HPSE2: variants seen among roughly 807,000 people sequenced by gnomAD.
The protein encoded by HPSE2 is heparanase 2 (inactive), also known as inactive heparanase-2.
In HPSE2, 38 loss-of-function variants were observed where a neutral mutation model predicts 60.5. The ratio of observed to expected loss-of-function variants is 0.63; its 90% CI spans 0.48 to 0.82. The LOEUF (loss-of-function observed/expected upper bound fraction) is 0.82, where lower values mean the gene tolerates loss of function less well. Ranked by LOEUF, HPSE2 falls within the 40% of genes least tolerant of loss-of-function variation. The pLI, the probability that HPSE2 is intolerant of heterozygous loss-of-function variation, is 0.00. For missense variants in HPSE2, 713 were observed against 740.4 expected (o/e 0.96, Z 0.43); for synonymous variants, 295 against 293.2 (o/e 1.01, Z -0.06).
At chr10:98,618,877 G>A (rs1333576682) in intron 8 of HPSE2, among the ~76,000 whole-genome samples, 1 of 152,132 alleles carries the variant, frequency 6.6e-6, no homozygotes, top group African/African-American at 2.4e-5. Flanking sequence ...GTGCCTGGCT[G>A]GGAGTGTACT....
intron 9 of HPSE2, among the ~76,000 whole-genome samples, chr10:98,589,166 C>T (rs1449630130): frequency 6.6e-6 from 1 of 151,948 alleles, no homozygotes; most frequent in Non-Finnish European, 1.5e-5. Flanking sequence ...TCTGGCACAG[C>T]ATGACACAGC....
chr10:99,030,069 G>T (rs964376250), intron 3 of HPSE2, among the ~76,000 whole-genome samples: 1 of 152,134 alleles, frequency 6.6e-6, no homozygotes, highest in African/African-American at 2.4e-5. Context: ...ACTTCTCACT[G>T]CATCCCCTCA....
At chr10:98,678,304 C>T (rs577663627) in intron 6 of HPSE2, among the ~76,000 whole-genome samples, 1 of 152,174 alleles carries the variant, frequency 6.6e-6, no homozygotes, top group Admixed American at 6.5e-5. Flanking sequence ...AAGTTTAATG[C>T]CAAAAAATGT....
At chr10:99,031,401 A>G (rs1313297703) in intron 3 of HPSE2, among the ~76,000 whole-genome samples, 1 of 152,138 alleles carries the variant, frequency 6.6e-6, no homozygotes, top group Non-Finnish European at 1.5e-5. Flanking sequence ...ATCCCCTGAA[A>G]CTAAAATTTT....
intron 3 of HPSE2, among the ~76,000 whole-genome samples, chr10:99,131,526 C>A (rs750545615): frequency 4.5e-4 from 68 of 151,746 alleles, no homozygotes; most frequent in Non-Finnish European, 7.1e-4. Flanking sequence ...TATACAGAAA[C>A]AAACACACAT....
chr10:98,742,401 C>T (rs934347940), intron 4 of HPSE2, among the ~76,000 whole-genome samples: 1 of 152,152 alleles, frequency 6.6e-6, no homozygotes, highest in Admixed American at 6.5e-5. Context: ...CACACACACA[C>T]ACTCACACAT....
At position 98,639,567 on chromosome 10, in the gene HPSE2, T is replaced by G. The variant is rs1471465011; in HGVS notation, c.1098+2280A>C. Among the ~76,000 whole-genome samples the G allele has an allele frequency of 5.9e-5, 9 of 152,344 alleles. No homozygotes were observed. In the East Asian group the frequency reaches 1.7e-3, roughly 29 times the overall value. ...CTTCCCCTTCTAAGTCCATTAGGTT[T>G]GTTTTTAAAGATCTGAATACCAATT... On this transcript the variant is annotated intron_variant, in intron 7 of 11. Coordinates refer to ENST00000370552, the MANE Select transcript of HPSE2 (RefSeq NM_021828.5).
chr10:99,301,719 A>G, the HPSE2 span, among the ~76,000 whole-genome samples: 1 of 152,222 alleles, frequency 6.6e-6, no homozygotes, highest in African/African-American at 2.4e-5. Context: ...CTTGTGAGCC[A>G]TGGCTGCCAC....
chr10:98,508,227 A>G (rs931859670), intron 9 of HPSE2, among the ~76,000 whole-genome samples: 2 of 152,254 alleles, frequency 1.3e-5, no homozygotes, highest in Non-Finnish European at 2.9e-5. Flanking sequence ...AGCAGATGAC[A>G]CTAAAAAGAC....
intron 5 of HPSE2, among the ~76,000 whole-genome samples, chr10:98,708,446 A>G (rs1450270293): frequency 2.3e-5 from 3 of 130,762 alleles, no homozygotes; most frequent in Admixed American, 1.6e-4. Context: ...ACAGAGTGAG[A>G]CTACGTCTCA....
At chr10:98,672,883 G>C (rs1414958) in intron 6 of HPSE2, among the ~76,000 whole-genome samples, 1 of 152,028 alleles carries the variant, frequency 6.6e-6, no homozygotes, top group East Asian at 1.9e-4. Context: ...ATGATAACTC[G>C]TATTGAGATC....
At chr10:99,080,453 GGGCATCTCT>G (rs2135571260) in intron 3 of HPSE2, among the ~76,000 whole-genome samples, 1 of 152,246 alleles carries the variant, frequency 6.6e-6, no homozygotes, top group South Asian at 2.1e-4. Context: ...ATCAGGGTGA[GGGCATCTCT>G]GGCATTGACA....
chr10:98,464,487 G>C (rs1940443113), intron 11 of HPSE2, among the ~76,000 whole-genome samples: 1 of 152,208 alleles, frequency 6.6e-6, no homozygotes. Context: ...CGTCTGTGTA[G>C]GTGTTGCCTC....
intron 9 of HPSE2, among the ~76,000 whole-genome samples, chr10:98,497,433 T>A (rs758631037): frequency 1.3e-5 from 2 of 152,166 alleles, no homozygotes; most frequent in Non-Finnish European, 2.9e-5. Flanking sequence ...ATAAACAATA[T>A]ATATAATTCT....
chr10:99,274,070 G>T, the HPSE2 span, among the ~76,000 whole-genome samples: 3 of 152,162 alleles, frequency 2.0e-5, no homozygotes, highest in African/African-American at 7.2e-5. Flanking sequence ...AAGCAGGCAG[G>T]TGCGGTGGCT....
intron 3 of HPSE2, among the ~76,000 whole-genome samples, chr10:98,805,773 T>C (rs988511354): frequency 3.3e-5 from 5 of 152,138 alleles, no homozygotes; most frequent in Admixed American, 3.3e-4. Flanking sequence ...ATTTATGAAT[T>C]GTAATTAATT....
intron 3 of HPSE2, among the ~76,000 whole-genome samples, chr10:99,135,941 G>C (rs1845631554): frequency 6.6e-6 from 1 of 152,014 alleles, no homozygotes; most frequent in Non-Finnish European, 1.5e-5. Context: ...AAAAATCAAT[G>C]AATCCAGGAG....
At chr10:99,114,935 G>T (rs982969702) in intron 3 of HPSE2, among the ~76,000 whole-genome samples, 2 of 150,310 alleles carry the variant, frequency 1.3e-5, no homozygotes, top group Non-Finnish European at 3.0e-5. Flanking sequence ...AGAAGAAGAA[G>T]AACATGACCA....
intron 3 of HPSE2, among the ~76,000 whole-genome samples, chr10:99,141,756 A>G (rs1015220180): frequency 6.6e-6 from 1 of 152,210 alleles, no homozygotes; most frequent in Non-Finnish European, 1.5e-5. Flanking sequence ...TCAACAGCTG[A>G]CAGTCACATC....
Sources: gnomAD v4.1 joint callset for allele counts (sites outside exome capture counted in the v4.1 genomes callset) on GRCh38, gnomAD v4.1.1 for gene constraint, MANE v1.5 for transcripts, NCBI Gene and HGNC (gene_info 2026-07-23, HGNC 2026-07-21) for gene names.